Variants in CIITA observed in about 807,000 individuals in gnomAD.
CIITA encodes the protein MHC class II transactivator.
A neutral mutation model predicts 115.1 loss-of-function variants in CIITA; 72 were observed. The observed-to-expected ratio is 0.63, with a 90% CI of 0.52 to 0.76. CIITA has a LOEUF of 0.76. CIITA is among the 30% of genes least tolerant of loss of function. The pLI, the probability that CIITA is intolerant of heterozygous loss-of-function variation, is 0.00. For missense variants in CIITA, 1,617 were observed against 1,463.8 expected (o/e 1.10, Z -1.71); for synonymous variants, 763 against 635.6 (o/e 1.20, Z -3.02).
chr16:10,869,774 A>G (rs913117379), intron 1 of CIITA, among the ~76,000 whole-genome samples: 6 of 152,088 alleles, frequency 3.9e-5, no homozygotes, highest in African/African-American at 1.4e-4. Flanking sequence ...CCCACAAAGT[A>G]CTGGGATAAC....
chr16:10,901,660 G>C lies in CIITA; in HGVS notation c.481+102G>C. ...CCAAGTCTGATGGGGATGGTGCATG[G>C]TGCAGCCCCTGCCCTTCTTTGGGTA... On this transcript the variant is annotated intron_variant, in intron 6 of 19. Coordinates refer to ENST00000324288, the MANE Select transcript of CIITA (RefSeq NM_000246.4). This position sits in a 1 kb window ranked among gnomAD's most constrained non-coding sequence, Gnocchi z 6.8. The C allele has an allele frequency of 1.5e-5, 19 of 1,257,760 alleles. 1 individual carries two copies. The South Asian group carries it at 2.4e-4, about 16-fold the overall frequency. The allele number at this position is 1,257,760 out of a possible 1,614,324, so 77.9% of individuals were successfully genotyped here.
intron 1 of CIITA, among the ~76,000 whole-genome samples, chr16:10,883,910 G>A (rs763731762): frequency 3.3e-5 from 5 of 152,150 alleles, no homozygotes; most frequent in East Asian, 1.9e-4. Flanking sequence ...ATCTACCTCC[G>A]TCCTCCCATA....
chr16:10,912,011 G>A (rs557838305), intron 13 of CIITA, among the ~76,000 whole-genome samples: 1 of 152,314 alleles, frequency 6.6e-6, no homozygotes, highest in Non-Finnish European at 1.5e-5. Flanking sequence ...GGTCAGCCTG[G>A]CCCTAAGCTC....
chr16:10,893,058 T>A (rs985871766), intron 1 of CIITA, among the ~76,000 whole-genome samples: 1 of 152,212 alleles, frequency 6.6e-6, no homozygotes, highest in Admixed American at 6.5e-5. Context: ...GAGTAGGTGA[T>A]GTGGCCACTA....
intron 1 of CIITA, among the ~76,000 whole-genome samples, chr16:10,884,676 C>T (rs2036757992): frequency 6.6e-6 from 1 of 152,204 alleles, no homozygotes; most frequent in Non-Finnish European, 1.5e-5. Context: ...CCTCCTCAGC[C>T]TCCCAAAGTG....
chr16:10,904,599 A>G, intron 9 of CIITA, 145 bp from the exon 10 acceptor site: 1 of 779,282 alleles, frequency 1.3e-6, no homozygotes. Context: ...TATTTGAGTT[A>G]GATACAGCCT....
rs1017009607 is a variant in CIITA at position 10,926,564 on chromosome 16, A to C, written c.*2709A>C. The C allele has an allele frequency of 2.6e-5, 4 of 152,154 alleles. No homozygotes were observed. The highest frequency in any genetic ancestry group is 9.7e-5 in the African/African-American group (4 of 41,432). The allele number at this position is 152,154 out of a possible 1,614,324, so 9.4% of individuals were successfully genotyped here. On this transcript the variant is annotated 3_prime_UTR_variant, in exon 20 of 20. Transcript: ENST00000324288. ...ATTTTATTTAATTTTTTTGAGACAG[A>C]GTTTTCACTCTTATTGCCCACGCTG... is the stretch of plus-strand genomic sequence containing the variant.
Position 10,923,361 on chromosome 16 carries a change from T to G in CIITA, c.*22+36T>G, listed in dbSNP as rs1775269436. 1 of 1,490,590 alleles carries G rather than the reference T, an allele frequency of 6.7e-7. No homozygotes were observed. The highest frequency in any genetic ancestry group is 1.1e-5 in the South Asian group (1 of 88,670). The allele number at this position is 1,490,590 out of a possible 1,614,324, so 92.3% of individuals were successfully genotyped here. On this transcript the variant is annotated intron_variant, in intron 19 of 19. Coordinates refer to ENST00000324288, the MANE Select transcript of CIITA (RefSeq NM_000246.4). This position sits in a 1 kb window ranked among gnomAD's most constrained non-coding sequence, Gnocchi z 5.2. ...TGGGCTTGGGAGGGGAGAGCCGCAGTGGGTTGGGGGCAGTGTCCTTGTGAA... is the reference window on the plus strand; with the variant it reads ...TGGGCTTGGGAGGGGAGAGCCGCAGGGGGTTGGGGGCAGTGTCCTTGTGAA...
rs2040795455 is a variant in CIITA, at chr16:10,931,552, A to C, written c.*7697A>C. 1 of 152,176 alleles carries C rather than the reference A, an allele frequency of 6.6e-6. No individual in the cohort carries two copies. The highest frequency in any genetic ancestry group is 2.1e-4 in the South Asian group (1 of 4,834). 9.4% of individuals were successfully genotyped at this position (152,176 alleles called of 1,614,324 possible). ...ATGCCAAGTTTCCATTTCTGGTAGT[A>C]ATATAGTTTTTCTTTTCCAAGTCGC... On this transcript the variant is annotated 3_prime_UTR_variant, in exon 20 of 20. Transcript: ENST00000324288.
In CIITA at chr16:10,933,210, G is replaced by A. The variant is rs1242835607; in HGVS notation, c.*9355G>A. ...CCAGAGCTGGACAGAGGACGTGGCTGGCTGGCTGGTTTCTGTAGTCAGAAT... is the reference window on the plus strand; with the variant it reads ...CCAGAGCTGGACAGAGGACGTGGCTAGCTGGCTGGTTTCTGTAGTCAGAAT... On this transcript the variant is annotated 3_prime_UTR_variant, in exon 20 of 20. Coordinates refer to ENST00000324288, the MANE Select transcript of CIITA (RefSeq NM_000246.4). The A allele has an allele frequency of 6.6e-6, 1 of 152,226 alleles. No individual in the cohort carries two copies. The highest frequency in any genetic ancestry group is 1.5e-5 in the Non-Finnish European group (1 of 68,092). 9.4% of individuals were successfully genotyped at this position (152,226 alleles called of 1,614,324 possible). A position where few individuals can be genotyped will look rare whatever the true frequency, so the allele number is the denominator to read the frequency against.
rs371893846 is a variant in CIITA at position 10,893,524 on chromosome 16, A to G, written c.53-1758A>G. ...TGTAATTCACATATACAATTTGCCC[A>G]CTTAAAAAGTACAGTTCATGCCTGT... On this transcript the variant is annotated intron_variant, in intron 1 of 19. Transcript: ENST00000324288. 5.9e-5 allele frequency among the ~76,000 whole-genome samples: 9 copies of G among 152,268 alleles called. No homozygotes were observed. In the East Asian group the frequency reaches 1.5e-3, roughly 26 times the overall value.
chr16:10,892,095 G>A (rs1296536374), intron 1 of CIITA, among the ~76,000 whole-genome samples: 4 of 152,114 alleles, frequency 2.6e-5, no homozygotes, highest in South Asian at 2.1e-4. Flanking sequence ...AGGCCAAGGC[G>A]GGTGGATCAC....
intron 8 of CIITA, among the ~76,000 whole-genome samples, 190 bp from the exon 9 acceptor site, chr16:10,903,541 T>C (rs2038931497): frequency 6.6e-6 from 1 of 152,136 alleles, no homozygotes; most frequent in South Asian, 2.1e-4. Flanking sequence ...AAAAGCAAGG[T>C]TCCAGGAGCT....
intron 15 of CIITA, chr16:10,916,762 A>G: frequency 2.1e-6 from 1 of 471,376 alleles, no homozygotes; most frequent in Non-Finnish European, 3.9e-6. Flanking sequence ...TGATTCATCC[A>G]TTCACTTATG....
Position 10,903,711 on chromosome 16 carries a change from A to G in CIITA, c.773-20A>G. ...ATCAATACCTGGTTATTCTCACACC[A>G]CTCTCCACCCCCAATGTAGGTGAGG... On this transcript the variant is annotated intron_variant, in intron 8 of 19. Transcript: ENST00000324288. 1 of 1,613,524 alleles carries G rather than the reference A, an allele frequency of 6.2e-7. No individual in the cohort carries two copies. Among genetic ancestry groups the G allele is most frequent in the Non-Finnish European group, 8.5e-7 (1 of 1,179,804 alleles).
At chr16:10,888,614 A>G (rs1159024571) in intron 1 of CIITA, 4 of 152,222 alleles carry the variant, frequency 2.6e-5, no homozygotes, top group Non-Finnish European at 4.4e-5. Flanking sequence ...ATAAACCCCA[A>G]AAAGGACTTT....
rs2039307542 is a variant in CIITA, at chr16:10,908,132, C to T, written c.2640C>T (p.Ser880=). Residue 880 remains serine, a synonymous_variant, in exon 11 of 20, where the codon AGC becomes AGT. Transcript: ENST00000324288. ...PSGLGSLVGL[S]CVTRFRAALS... Reference sequence around the variant, plus strand: ...GATTGGGGAGCCTCGTGGGACTCAGCTGTGTCACCCGTTTCAGGTGGGGTG... The same window carrying T: ...GATTGGGGAGCCTCGTGGGACTCAGTTGTGTCACCCGTTTCAGGTGGGGTG... The T allele has an allele frequency of 2.5e-6, 4 of 1,572,078 alleles. No individual in the cohort carries two copies. The South Asian group carries it at 4.6e-5, about 18-fold the overall frequency.
chr16:10,893,987 A>G lies in CIITA; in HGVS notation c.53-1295A>G, dbSNP rs78627390. 9.3e-3 allele frequency among the ~76,000 whole-genome samples: 1,419 copies of G among 152,006 alleles called. 70 individuals are homozygous for G. In the East Asian group the frequency reaches 0.15, roughly 16 times the overall value. On this transcript the variant is annotated intron_variant, in intron 1 of 19. Coordinates refer to ENST00000324288, the MANE Select transcript of CIITA (RefSeq NM_000246.4). ...TTCCTTCCAAAATCCCTCTCTGCCA[A>G]GCCCTAGGCAACCACTAATATGCTT... is the stretch of plus-strand genomic sequence containing the variant.
chr16:10,877,852 T>C (rs373990635), intron 1 of CIITA, among the ~76,000 whole-genome samples: 10 of 152,288 alleles, frequency 6.6e-5, no homozygotes, highest in South Asian at 4.1e-4. Flanking sequence ...AGCTGGCGGA[T>C]GCTGCCCTCC....
Sources: allele counts gnomAD v4.1 joint callset (sites outside exome capture counted in the v4.1 genomes callset), GRCh38; gene constraint gnomAD v4.1.1; non-coding constraint Gnocchi (gnomAD v3.1); transcripts MANE v1.5; gene names NCBI Gene and HGNC (gene_info 2026-07-23, HGNC 2026-07-21).